Variants in TET2 observed in about 807,000 individuals in gnomAD.
TET2 encodes the protein methylcytosine dioxygenase TET2.
Under a neutral mutation model 142.9 loss-of-function variants are expected in TET2, and 299 were observed. The observed-to-expected ratio is 2.09, with a 90% CI of 1.90 to 2.30. TET2 has a LOEUF of 2.30. Ranked by LOEUF, TET2 falls within the 30% of genes most tolerant of loss-of-function variation. The pLI, the probability that TET2 is intolerant of heterozygous loss-of-function variation, is 0.00. For synonymous variants in TET2, 819 were observed against 849.0 expected (o/e 0.96, Z 0.61); for missense variants, 2,418 against 2,378.0 (o/e 1.02, Z -0.35).
Position 105,235,122 on chromosome 4 carries a change from G to A in TET2, c.1180G>A (p.Ala394Thr), listed in dbSNP as rs2110225274. 6.2e-7 allele frequency: 1 copy of A among 1,613,662 alleles called. No individual in the cohort carries two copies. The highest frequency in any genetic ancestry group is 8.5e-7 in the Non-Finnish European group (1 of 1,179,844). The change falls in exon 3 of 11, where the codon GCC (alanine) becomes ACC (threonine). Residue 394 changes from alanine (A) to threonine (T), a missense_variant. By Grantham distance (58) the Ala-to-Thr change is moderately conservative (BLOSUM62 0). Transcript: ENST00000380013. ...SSVFTKDSFSATTTPPPPSQL... is the reference protein window; with the variant it reads ...SSVFTKDSFSTTTTPPPPSQL... ...AGTGTTCACTAAGGATTCCTTTTCT[G>A]CCACTACCACACCACCACCACCATC...
At chr4:105,185,022 A>G (rs1406902552) in intron 1 of TET2, among the ~76,000 whole-genome samples, 1 of 152,176 alleles carries the variant, frequency 6.6e-6, no homozygotes, top group Non-Finnish European at 1.5e-5. Context: ...TTGTAACGGA[A>G]GTGTTTGATG....
At chr4:105,261,875 A>G in intron 8 of TET2, 27 bp downstream of exon 8, 1 of 1,356,066 alleles carries the variant, frequency 7.4e-7, no homozygotes, top group Non-Finnish European at 1.0e-6. Flanking sequence ...ATTGGCAGCA[A>G]TTGTAACAAC....
At chr4:105,214,640 G>GA (rs914696166) in intron 2 of TET2, among the ~76,000 whole-genome samples, 8 of 151,672 alleles carry the variant, frequency 5.3e-5, no homozygotes, top group African/African-American at 1.9e-4. Flanking sequence ...TAAAACCCCA[G>GA]AGAAGGTCCC....
intron 8 of TET2, 149 bp downstream of exon 8, chr4:105,261,997 G>C: frequency 1.7e-6 from 1 of 579,560 alleles, no homozygotes. Context: ...TCAGTTTCGA[G>C]TATATAAAAA....
chr4:105,179,043 A>C (rs1428014302), intron 1 of TET2, among the ~76,000 whole-genome samples: 1 of 152,096 alleles, frequency 6.6e-6, no homozygotes, highest in Non-Finnish European at 1.5e-5. Flanking sequence ...AAACCATCAG[A>C]TCTCATGAGA....
At position 105,241,953 on chromosome 4, in the gene TET2, T is replaced by C. The variant is rs1450899435; in HGVS notation, c.3500+524T>C. The C allele has an allele frequency of 6.3e-4, 476 of 751,462 alleles. 3 individuals carry two copies. In the Middle Eastern group the frequency reaches 8.6e-3, roughly 14 times the overall value. 46.5% of individuals were successfully genotyped at this position (751,462 alleles called of 1,614,324 possible). On this transcript the variant is annotated intron_variant, in intron 4 of 10. Transcript: ENST00000380013. ...TTACAGCTGCCTTTTTTTTTTTTTT[T>C]CGCTATCAATCACAGGTATACAAGT...
rs1470162192 is a variant in TET2, at chr4:105,236,510, A to C, written c.2568A>C (p.Gly856=). ...EQTTHPELFA[G]NKTQNLHHMQ... ...CTACACATCCTGAACTTTTTGCAGG[A>C]AACAAGACCCAAAACTTGCATCACA... Residue 856 remains glycine (G), a synonymous_variant, in exon 3 of 11, where the codon GGA becomes GGC. Coordinates refer to ENST00000380013, the MANE Select transcript of TET2 (RefSeq NM_001127208.3). 6.2e-7 allele frequency: 1 copy of C among 1,614,026 alleles called. No homozygotes were observed. Among genetic ancestry groups the C allele is most frequent in the Admixed American group, 1.7e-5 (1 of 59,990 alleles).
Position 105,224,560 on chromosome 4 carries a change from C to G in TET2, c.-46-9337C>G, listed in dbSNP as rs190538456. 2.6e-5 allele frequency among the ~76,000 whole-genome samples: 4 copies of G among 152,202 alleles called. No homozygotes were observed. In the East Asian group the frequency reaches 7.7e-4, roughly 29 times the overall value. On this transcript the variant is annotated intron_variant, in intron 2 of 10. Transcript: ENST00000380013. ...TGCTGTGGCTAAAACCTGTTTTGGT[C>G]TTAGGAAACCAAAATGTTAGCTAGT...
intron 1 of TET2, among the ~76,000 whole-genome samples, chr4:105,180,254 T>A (rs1263098805): frequency 6.6e-6 from 1 of 152,138 alleles, no homozygotes; most frequent in Non-Finnish European, 1.5e-5. Flanking sequence ...AAATGCAGAG[T>A]CAGTGGCTTC....
intron 1 of TET2, among the ~76,000 whole-genome samples, chr4:105,173,542 A>G (rs1302965330): frequency 3.9e-5 from 6 of 152,112 alleles, no homozygotes; most frequent in African/African-American, 1.2e-4. Context: ...CAAACAAACA[A>G]AAAAGACTCA....
chr4:105,158,291 G>A (rs184230782), intron 1 of TET2, among the ~76,000 whole-genome samples: 33 of 151,626 alleles, frequency 2.2e-4, no homozygotes, highest in African/African-American at 7.5e-4. Flanking sequence ...CTTAATCCTC[G>A]GGGTTTTTGG....
chr4:105,185,509 A>G (rs986215530), intron 1 of TET2, among the ~76,000 whole-genome samples: 4 of 152,332 alleles, frequency 2.6e-5, no homozygotes, highest in South Asian at 2.1e-4. Flanking sequence ...GACCAGGCGC[A>G]GTGGCTCATG....
intron 2 of TET2, among the ~76,000 whole-genome samples, chr4:105,214,926 T>C (rs147942146): frequency 1.8e-3 from 270 of 152,268 alleles, no homozygotes; most frequent in African/African-American, 5.8e-3. Flanking sequence ...GAGGGTGTTG[T>C]GGGAACCCCA....
intron 6 of TET2, among the ~76,000 whole-genome samples, chr4:105,246,886 T>G (rs1487964118): frequency 6.6e-6 from 1 of 152,232 alleles, no homozygotes; most frequent in Non-Finnish European, 1.5e-5. Context: ...TTTTTACATT[T>G]CCTTTGAGCC....
At position 105,236,599 on chromosome 4, in the gene TET2, A is replaced by T. The variant is rs1017666167; in HGVS notation, c.2657A>T (p.Gln886Leu). 6.2e-7 allele frequency: 1 copy of T among 1,614,028 alleles called. No homozygotes were observed. The highest frequency in any genetic ancestry group is 8.5e-7 in the Non-Finnish European group (1 of 1,180,020). ...CTTCTTCACAGGTGCTTTCAAGAAC[A>T]GGAGCAGAAGTCACAACAAGCTTCA... is the stretch of plus-strand genomic sequence containing the variant. The part of the protein sequence containing the change: ...QDLLHRCFQE[Q>L]EQKSQQASVL... Residue 886 changes from glutamine to leucine, a missense_variant, in exon 3 of 11, where the codon CAG becomes CTG. Transcript: ENST00000380013.
At chr4:105,184,176 T>G (rs189408634) in intron 1 of TET2, among the ~76,000 whole-genome samples, 1 of 152,324 alleles carries the variant, frequency 6.6e-6, no homozygotes, top group East Asian at 1.9e-4. Context: ...TATTTTCTTC[T>G]GAAATGTTTT....
chr4:105,153,201 A>G (rs1441087273), intron 1 of TET2, among the ~76,000 whole-genome samples: 1 of 152,232 alleles, frequency 6.6e-6, no homozygotes, highest in East Asian at 1.9e-4. Flanking sequence ...TTGCAAAACT[A>G]TAATATCATA....
chr4:105,253,803 G>A (rs1729989906), intron 6 of TET2, among the ~76,000 whole-genome samples: 1 of 151,774 alleles, frequency 6.6e-6, no homozygotes, highest in Non-Finnish European at 1.5e-5. Context: ...TTAGCTGTAT[G>A]GTTTTGTATA....
In TET2 at chr4:105,236,403, C is replaced by T. The variant is rs1728914126; in HGVS notation, c.2461C>T (p.Gln821Ter). 3 of 1,614,014 alleles carry T rather than the reference C, an allele frequency of 1.9e-6. No homozygotes were observed. The highest frequency in any genetic ancestry group is 1.7e-6 in the Non-Finnish European group (2 of 1,179,988). ...AAATCGTAGAAATTCCCCTTATAGT[C>T]AGACCATGAAATCAAGTGCATGCAA... ...NINRRNSPYS[Q>*]TMKSSACKIQ... The change falls in exon 3 of 11, where the codon CAG becomes TAG. Residue 821 changes from glutamine to a stop codon, truncating the protein, a stop_gained. Transcript: ENST00000380013. LOFTEE classifies it high-confidence loss of function.
Sources: gnomAD v4.1 joint callset for allele counts (sites outside exome capture counted in the v4.1 genomes callset) on GRCh38, gnomAD v4.1.1 for gene constraint, MANE v1.5 for transcripts, NCBI Gene and HGNC (gene_info 2026-07-23, HGNC 2026-07-21) for gene names.